Variants in SCD observed in about 807,000 individuals in gnomAD.
The protein encoded by SCD is acyl-CoA desaturase.
A neutral mutation model predicts 35.7 loss-of-function variants in SCD; 4 were observed. The observed-to-expected ratio is 0.11, with a 90% CI of 0.06 to 0.26. SCD has a LOEUF of 0.26. Ranked by LOEUF, SCD falls within the 10% of genes least tolerant of loss-of-function variation. SCD has a pLI of 1.00. For missense variants in SCD, 282 were observed against 460.7 expected, an observed-to-expected ratio of 0.61 and a Z score of 3.55; for synonymous variants, 150 against 170.2, an observed-to-expected ratio of 0.88 and a Z score of 0.92.
intron 5 of SCD, among the ~76,000 whole-genome samples, chr10:100,358,557 A>C: frequency 6.9e-6 from 1 of 144,200 alleles, no homozygotes; most frequent in South Asian, 2.2e-4. Flanking sequence ...CCGCCACTGC[A>C]GTCCGCAGTC....
chr10:100,357,988 T>C (rs1040208063), intron 5 of SCD, among the ~76,000 whole-genome samples: 3 of 152,166 alleles, frequency 2.0e-5, no homozygotes, highest in South Asian at 2.1e-4. Flanking sequence ...TTCTCAACCT[T>C]AACCATCTTT....
rs772300610 is a variant in SCD at position 100,352,406 on chromosome 10, A to G, written c.351A>G (p.Ala117=). The stretch of plus-strand genomic sequence containing the variant: ...TTGTCAGTGCCCTGGGCATAACAGC[A>G]GGAGCTCATCGTCTGTGGAGCCACC... ...YYFVSALGIT[A]GAHRLWSHRS... Residue 117 remains alanine (A), a synonymous_variant, in exon 3 of 6, where the codon GCA becomes GCG. Transcript: ENST00000370355. The surrounding 1 kb of genome is among the most constrained non-coding windows in gnomAD (Gnocchi z 4.2). 1.2e-6 allele frequency: 2 copies of G among 1,614,068 alleles called. No individual in the cohort carries two copies. The highest frequency in any genetic ancestry group is 4.5e-5 in the East Asian group (2 of 44,880).
chr10:100,360,990 C>T lies in SCD; in HGVS notation c.*57C>T, dbSNP rs907228412. 2 of 1,417,212 alleles carry T rather than the reference C, an allele frequency of 1.4e-6. No homozygotes were observed. Among genetic ancestry groups the T allele is most frequent in the Admixed American group, 1.7e-5 (1 of 57,576 alleles). The allele number at this position is 1,417,212 out of a possible 1,614,324, so 87.8% of individuals were successfully genotyped here. On this transcript the variant is annotated 3_prime_UTR_variant, in exon 6 of 6. Coordinates refer to ENST00000370355, the MANE Select transcript of SCD (RefSeq NM_005063.5). ...ACCAGCCAGGCAGAGGTTTTAATGTCTGTTTATTAACTACTGAATAATGCT... is the reference window on the plus strand; with the variant it reads ...ACCAGCCAGGCAGAGGTTTTAATGTTTGTTTATTAACTACTGAATAATGCT...
intron 3 of SCD, among the ~76,000 whole-genome samples, chr10:100,354,218 TG>T (rs1201985961): frequency 2.6e-5 from 4 of 152,268 alleles, no homozygotes; most frequent in African/African-American, 9.6e-5. Context: ...GCTATGGTCC[TG>T]GGACTTTAAG....
intron 4 of SCD, among the ~76,000 whole-genome samples, chr10:100,355,794 C>T (rs1404259759): frequency 6.6e-6 from 1 of 152,112 alleles, no homozygotes; most frequent in East Asian, 1.9e-4. Flanking sequence ...ATGGCCTGGT[C>T]TACATTGAGA....
Position 100,352,217 on chromosome 10 carries a change from A to T in SCD, c.311-149A>T. On this transcript the variant is annotated intron_variant, in intron 2 of 5. Transcript: ENST00000370355. The surrounding 1 kb of genome is among the most constrained non-coding windows in gnomAD (Gnocchi z 4.2). ...TTTTTCAAGTGGTAAAATCTAAGGGATGTGGTTATCCCTAGAGTTCATGGT... is the reference window on the plus strand; with the variant it reads ...TTTTTCAAGTGGTAAAATCTAAGGGTTGTGGTTATCCCTAGAGTTCATGGT... 1.5e-6 allele frequency: 1 copy of T among 654,392 alleles called. No individual in the cohort carries two copies. Among genetic ancestry groups the T allele is most frequent in the East Asian group, 2.9e-5 (1 of 34,460 alleles). 40.5% of individuals were successfully genotyped at this position (654,392 alleles called of 1,614,324 possible). A position where few individuals can be genotyped will look rare whatever the true frequency, so the allele number is the denominator to read the frequency against.
rs1564627064 is a variant in SCD at position 100,361,493 on chromosome 10, T to G, written c.*560T>G. ...AAATTGTCGGGGGAGAGAGTTAGCATGTATGAATGTAAGGATGAGGGAAGC... is the reference window on the plus strand; with the variant it reads ...AAATTGTCGGGGGAGAGAGTTAGCAGGTATGAATGTAAGGATGAGGGAAGC... On this transcript the variant is annotated 3_prime_UTR_variant, in exon 6 of 6. Coordinates refer to ENST00000370355, the MANE Select transcript of SCD (RefSeq NM_005063.5). The G allele has an allele frequency of 6.4e-6, 1 of 155,486 alleles. No homozygotes were observed. The highest frequency in any genetic ancestry group is 1.4e-5 in the Non-Finnish European group (1 of 70,072). The allele number at this position is 155,486 out of a possible 1,614,324, so 9.6% of individuals were successfully genotyped here. A position where few individuals can be genotyped will look rare whatever the true frequency, so the allele number is the denominator to read the frequency against.
chr10:100,360,797 G>C lies in SCD; in HGVS notation c.944G>C (p.Trp315Ser), dbSNP rs1849982613. 1 of 1,613,820 alleles carries C rather than the reference G, an allele frequency of 6.2e-7. No homozygotes were observed. Among genetic ancestry groups the C allele is most frequent in the Non-Finnish European group, 8.5e-7 (1 of 1,179,868 alleles). Residue 315 changes from tryptophan (W) to serine (S), a missense_variant, in exon 6 of 6, where the codon TGG becomes TCG. By Grantham distance (177) the Trp-to-Ser change is radical. Transcript: ENST00000370355. ...GACTACTCTGCCAGTGAGTACCGCTGGCACATCAACTTCACCACATTCTTC... is the reference window on the plus strand; with the variant it reads ...GACTACTCTGCCAGTGAGTACCGCTCGCACATCAACTTCACCACATTCTTC... ...PYDYSASEYR[W>S]HINFTTFFID... is the part of the protein sequence containing the mutation.
chr10:100,348,262 A>C lies in SCD; in HGVS notation c.226A>C (p.Ile76Leu), dbSNP rs1849826677. ...SPKVEYVWRN[I>L]ILMSLLHLGA... is the part of the protein sequence containing the mutation. ...CAAGGTTGAATATGTCTGGAGAAAC[A>C]TCATCCTTATGTCTCTGCTACACTT... The change falls in exon 2 of 6, where the codon ATC (isoleucine) becomes CTC (leucine). Residue 76 changes from isoleucine to leucine, a missense_variant. By Grantham distance (5) the Ile-to-Leu change is conservative. Coordinates refer to ENST00000370355, the MANE Select transcript of SCD (RefSeq NM_005063.5). The C allele has an allele frequency of 6.2e-7, 1 of 1,614,108 alleles. No homozygotes were observed. Among genetic ancestry groups the C allele is most frequent in the East Asian group, 2.2e-5 (1 of 44,880 alleles).
rs928061759 is a variant in SCD at position 100,356,010 on chromosome 10, G to A, written c.648-522G>A. Among the ~76,000 whole-genome samples, 23 of 152,204 alleles carry A rather than the reference G, an allele frequency of 1.5e-4. No individual in the cohort carries two copies. Among genetic ancestry groups the A allele is most frequent in the African/African-American group, 4.6e-4 (19 of 41,442 alleles). On this transcript the variant is annotated intron_variant, in intron 4 of 5. Coordinates refer to ENST00000370355, the MANE Select transcript of SCD (RefSeq NM_005063.5). The surrounding 1 kb of genome is among the most constrained non-coding windows in gnomAD (Gnocchi z 4.1). The stretch of plus-strand genomic sequence containing the variant: ...CAGATGGGAAAACCAGCCAAGGATG[G>A]AGAGACGTCTGTTCATTAGTTTGTA...
chr10:100,347,929 C>A, intron 1 of SCD, 135 bp from the exon 2 acceptor site: 3 of 883,340 alleles, frequency 3.4e-6, no homozygotes, highest in Non-Finnish European at 5.3e-6. Context: ...CGGATACACC[C>A]TACCCTCAGT....
In SCD at chr10:100,352,345, C is replaced by T. The variant is rs201660572; in HGVS notation, c.311-21C>T. 1.2e-6 allele frequency: 2 copies of T among 1,611,444 alleles called. No homozygotes were observed. The highest frequency in any genetic ancestry group is 1.3e-5 in the African/African-American group (1 of 74,964). ...GGAACTCACACTGATTGGTGACTCC[C>T]CCACTGTCTTCTCCTGGCAGGGGTA... On this transcript the variant is annotated intron_variant, in intron 2 of 5. Transcript: ENST00000370355. This position sits in a 1 kb window ranked among gnomAD's most constrained non-coding sequence, Gnocchi z 4.2.
chr10:100,356,896 G>C lies in SCD; in HGVS notation c.880+132G>C, dbSNP rs1052082493. 27 of 702,120 alleles carry C rather than the reference G, an allele frequency of 3.8e-5. No homozygotes were observed. Among genetic ancestry groups the C allele is most frequent in the Middle Eastern group, 3.6e-4 (1 of 2,756 alleles). The allele number at this position is 702,120 out of a possible 1,614,324, so 43.5% of individuals were successfully genotyped here. A position where few individuals can be genotyped will look rare whatever the true frequency, so the allele number is the denominator to read the frequency against. ...TCTCAGTTTTTCCACTATAAAATTA[G>C]GGGGCAGTATACTGGAAAACGCTTT... On this transcript the variant is annotated intron_variant, in intron 5 of 5. Transcript: ENST00000370355. This position sits in a 1 kb window ranked among gnomAD's most constrained non-coding sequence, Gnocchi z 4.1.
At position 100,352,064 on chromosome 10, in the gene SCD, G is replaced by A. The variant is rs1181861233; in HGVS notation, c.311-302G>A. Among the ~76,000 whole-genome samples the A allele has an allele frequency of 6.6e-6, 1 of 152,096 alleles. No homozygotes were observed. The highest frequency in any genetic ancestry group is 1.5e-5 in the Non-Finnish European group (1 of 68,030). On this transcript the variant is annotated intron_variant, in intron 2 of 5. Transcript: ENST00000370355. The surrounding 1 kb of genome is among the most constrained non-coding windows in gnomAD (Gnocchi z 4.2). ...GGTGAAAGGAGATAGCTAGGCCCTG[G>A]GAGAATGCCTTTAAGATGAAGAATG...
intron 5 of SCD, among the ~76,000 whole-genome samples, chr10:100,359,616 T>G (rs1380811147): frequency 6.6e-6 from 1 of 152,172 alleles, no homozygotes; most frequent in African/African-American, 2.4e-5. Context: ...TCATCAGGTG[T>G]CACAGAGAGA....
Position 100,364,363 on chromosome 10 carries a change from C to A in SCD, c.*3430C>A, listed in dbSNP as rs541916361. ...CTTAACTATAAGGTGCCTCAGTTTT[C>A]CTTCTGTTAAAATGGGGATAATAAT... On this transcript the variant is annotated 3_prime_UTR_variant, in exon 6 of 6. Coordinates refer to ENST00000370355, the MANE Select transcript of SCD (RefSeq NM_005063.5). 1.9e-3 allele frequency: 284 copies of A among 152,662 alleles called. 2 individuals carry two copies. Among genetic ancestry groups the A allele is most frequent in the African/African-American group, 6.4e-3 (266 of 41,518 alleles). The allele number at this position is 152,662 out of a possible 1,614,324, so 9.5% of individuals were successfully genotyped here.
chr10:100,352,317 G>C lies in SCD; in HGVS notation c.311-49G>C. 1 of 1,591,802 alleles carries C rather than the reference G, an allele frequency of 6.3e-7. No homozygotes were observed. Among genetic ancestry groups the C allele is most frequent in the Non-Finnish European group, 8.6e-7 (1 of 1,166,318 alleles). On this transcript the variant is annotated intron_variant, in intron 2 of 5. Transcript: ENST00000370355. This position sits in a 1 kb window ranked among gnomAD's most constrained non-coding sequence, Gnocchi z 4.2. The stretch of plus-strand genomic sequence containing the variant: ...AGAGTGTCTCTGGCATCCTTTCCCA[G>C]ATGGAACTCACACTGATTGGTGACT...
At chr10:100,358,060 T>C (rs115256370) in intron 5 of SCD, among the ~76,000 whole-genome samples, 1,838 of 152,278 alleles carry the variant, frequency 0.012, 35 homozygotes, top group African/African-American at 0.042. Flanking sequence ...AGTGCAGTGG[T>C]GTGATCACAG....
At chr10:100,360,275 G>A (rs1374842300) in intron 5 of SCD, among the ~76,000 whole-genome samples, 5 of 152,256 alleles carry the variant, frequency 3.3e-5, no homozygotes, top group African/African-American at 1.2e-4. Context: ...AGAGCCTTGA[G>A]GGCAGGGCCA....
Sources: gnomAD v4.1 joint callset for allele counts (sites outside exome capture counted in the v4.1 genomes callset) on GRCh38, gnomAD v4.1.1 for gene constraint, Gnocchi (gnomAD v3.1) non-coding constraint, MANE v1.5 for transcripts, NCBI Gene and HGNC (gene_info 2026-07-23, HGNC 2026-07-21) for gene names.